DUS2: variants seen among roughly 807,000 people sequenced by gnomAD.
DUS2 encodes dihydrouridine synthase 2.
A neutral mutation model predicts 71.3 loss-of-function variants in DUS2; 52 were observed. That is an observed-to-expected ratio of 0.73 (90% CI 0.58 to 0.92). DUS2 has a LOEUF of 0.92. DUS2 is among the 40% of genes least tolerant of loss of function. The pLI is 0.00. For missense variants in DUS2, 558 were observed against 622.6 expected (o/e 0.90, Z 1.10); for synonymous variants, 204 against 227.8 (o/e 0.90, Z 0.94).
At chr16:68,049,257 T>C (rs1324250594) in intron 3 of DUS2, among the ~76,000 whole-genome samples, 1 of 152,008 alleles carries the variant, frequency 6.6e-6, no homozygotes, top group Admixed American at 6.6e-5. Context: ...GGCTAAGTGG[T>C]TCATTCATTC....
At chr16:68,049,426 AT>A (rs1280133946) in intron 3 of DUS2, 78 bp from the exon 4 acceptor site, 6 of 1,474,142 alleles carry the variant, frequency 4.1e-6, no homozygotes, top group African/African-American at 2.8e-5. Flanking sequence ...AGCGATCCTC[AT>A]TAGGTGTGTG....
At chr16:68,069,998 C>T (rs2034060481) in intron 10 of DUS2, 136 bp from the exon 11 acceptor site, 1 of 713,606 alleles carries the variant, frequency 1.4e-6, no homozygotes, top group Non-Finnish European at 2.5e-6. Flanking sequence ...TGCCACCTGT[C>T]CTTGATTGCC....
intron 4 of DUS2, among the ~76,000 whole-genome samples, chr16:68,051,513 TC>T (rs1360654937): frequency 6.6e-6 from 1 of 151,900 alleles, no homozygotes. Context: ...GCCTCAGCCT[TC>T]CAAGTAGCTG....
rs777001214 is a variant in DUS2, at chr16:68,078,760, A to G, written c.1256A>G (p.Lys419Arg). 9.3e-6 allele frequency: 15 copies of G among 1,607,882 alleles called. No individual in the cohort carries two copies. The highest frequency in any genetic ancestry group is 1.3e-5 in the African/African-American group (1 of 74,806). ...CTCTGTCTGCTCAGGGACAAGTCCAAGAAACTGGCGGAGCAGGCTGCAGCC... is the reference window on the plus strand; with the variant it reads ...CTCTGTCTGCTCAGGGACAAGTCCAGGAAACTGGCGGAGCAGGCTGCAGCC... The part of the protein sequence containing the change: ...KYQSTLWDKS[K>R]KLAEQAAAIV... Residue 419 changes from lysine (K) to arginine (R), a missense_variant, in exon 17 of 17, where the codon AAG (lysine) becomes AGG (arginine). Transcript: ENST00000565263.
chr16:68,053,249 C>T (rs1357582310), intron 4 of DUS2, among the ~76,000 whole-genome samples: 3 of 152,238 alleles, frequency 2.0e-5, no homozygotes, highest in Non-Finnish European at 4.4e-5. Context: ...GCGTAAGCCA[C>T]CATACCCGGC....
chr16:68,045,727 T>C (rs2033691046), intron 3 of DUS2, among the ~76,000 whole-genome samples: 1 of 149,934 alleles, frequency 6.7e-6, no homozygotes, highest in East Asian at 2.0e-4. Flanking sequence ...TTTCTTTTCT[T>C]TTTTTTTTTT....
chr16:68,041,306 G>T (rs1028467720), intron 3 of DUS2, among the ~76,000 whole-genome samples: 1 of 152,096 alleles, frequency 6.6e-6, no homozygotes, highest in Non-Finnish European at 1.5e-5. Flanking sequence ...CCCACATCAG[G>T]GTCTGTCAGG....
chr16:68,023,300 C>T lies in DUS2; in HGVS notation c.-150C>T. 7.3e-7 allele frequency: 1 copy of T among 1,367,130 alleles called. No homozygotes were observed. Among genetic ancestry groups the T allele is most frequent in the Non-Finnish European group, 9.9e-7 (1 of 1,013,468 alleles). 84.7% of individuals were successfully genotyped at this position (1,367,130 alleles called of 1,614,324 possible). On this transcript the variant is annotated 5_prime_UTR_variant, in exon 1 of 17. Transcript: ENST00000565263. ...GCGAGGCTCAGTACGGTGTGTGGAG[C>T]TGGAGCACCGTGAGGAAGAAGCGAG...
chr16:68,078,097 C>T, intron 15 of DUS2: 1 of 319,284 alleles, frequency 3.1e-6, no homozygotes, highest in East Asian at 7.2e-5. Flanking sequence ...GCCACGTGTG[C>T]CTTCTCTGCT....
intron 5 of DUS2, 64 bp from the exon 6 acceptor site, chr16:68,054,510 G>T: frequency 1.3e-6 from 2 of 1,561,708 alleles, no homozygotes; most frequent in Non-Finnish European, 8.8e-7. Flanking sequence ...CTGCATGGGT[G>T]TGTTTGTCAG....
At chr16:68,050,345 C>T (rs1220105959) in intron 4 of DUS2, among the ~76,000 whole-genome samples, 1 of 152,118 alleles carries the variant, frequency 6.6e-6, no homozygotes, top group Non-Finnish European at 1.5e-5. Flanking sequence ...ACCATGGCGG[C>T]CAGTCTGGTC....
intron 3 of DUS2, among the ~76,000 whole-genome samples, chr16:68,039,450 G>A (rs147667023): frequency 0.13 from 19,283 of 151,508 alleles, 1,318 homozygotes; most frequent in South Asian, 0.19. Context: ...ACAGAGTCTC[G>A]CTCTGTCGCC....
intron 2 of DUS2, among the ~76,000 whole-genome samples, chr16:68,033,987 T>G (rs2033479733): frequency 6.6e-6 from 1 of 152,174 alleles, no homozygotes; most frequent in South Asian, 2.1e-4. Flanking sequence ...AGGCTGATCT[T>G]GAACTCCTGA....
intron 3 of DUS2, among the ~76,000 whole-genome samples, chr16:68,048,236 T>G (rs2033732371): frequency 6.6e-6 from 1 of 152,252 alleles, no homozygotes; most frequent in African/African-American, 2.4e-5. Flanking sequence ...TTGGAAACAA[T>G]GAACTTCCCA....
chr16:68,025,708 T>G (rs2033338996), intron 2 of DUS2, among the ~76,000 whole-genome samples: 1 of 152,084 alleles, frequency 6.6e-6, no homozygotes. Context: ...TTTTTCCCCC[T>G]CACTCACAGA....
chr16:68,031,898 T>C (rs1437802962), intron 2 of DUS2, among the ~76,000 whole-genome samples: 6 of 152,240 alleles, frequency 3.9e-5, no homozygotes, highest in Admixed American at 3.3e-4. Flanking sequence ...TTTCATCATG[T>C]TGGCCAGGCT....
At position 68,061,097 on chromosome 16, in the gene DUS2, C is replaced by T. The variant is rs995641874; in HGVS notation, c.401C>T (p.Pro134Leu). ...ATGGGAGCTGCCCTGCTGTCAGACC[C>T]TGACAAGATTGAGAAGGTAAGTCCT... ...GGMGAALLSD[P>L]DKIEKILSTL... The change falls in exon 8 of 17, where the codon CCT becomes CTT. Residue 134 changes from proline to leucine, a missense_variant. Pro to Leu is a moderately conservative substitution (Grantham distance 98). Transcript: ENST00000565263. 6.2e-7 allele frequency: 1 copy of T among 1,614,072 alleles called. No homozygotes were observed. Among genetic ancestry groups the T allele is most frequent in the South Asian group, 1.1e-5 (1 of 91,076 alleles).
At chr16:68,057,123 T>TATAAATATATA (rs1469607974) in intron 7 of DUS2, among the ~76,000 whole-genome samples, 1 of 140,032 alleles carries the variant, frequency 7.1e-6, no homozygotes, top group Non-Finnish European at 1.5e-5. Context: ...ATATTACATA[T>TATAAATATATA]ATAAATATAT....
chr16:68,058,169 G>T (rs567465575), intron 7 of DUS2, among the ~76,000 whole-genome samples: 172 of 151,808 alleles, frequency 1.1e-3, no homozygotes, highest in Non-Finnish European at 2.2e-3. Context: ...CAGACTGCAG[G>T]ATCGAAAACC....
Sources: allele counts gnomAD v4.1 joint callset (sites outside exome capture counted in the v4.1 genomes callset), GRCh38; gene constraint gnomAD v4.1.1; transcripts MANE v1.5; gene names NCBI Gene and HGNC (gene_info 2026-07-23, HGNC 2026-07-21).